PCDHGA9: variants seen among roughly 807,000 people sequenced by gnomAD.
PCDHGA9 encodes protocadherin gamma-A9.
A neutral mutation model predicts 62.5 loss-of-function variants in PCDHGA9; 37 were observed. That is an observed-to-expected ratio of 0.59 (90% confidence interval 0.46 to 0.78). The LOEUF (loss-of-function observed/expected upper bound fraction) is 0.78, where lower values mean the gene tolerates loss of function less well. PCDHGA9 is among the 30% of genes least tolerant of loss of function. PCDHGA9 has a pLI of 0.00. For missense variants in PCDHGA9, 1,138 were observed against 1,166.2 expected (o/e 0.98, Z 0.35); for synonymous variants, 459 against 484.6 (o/e 0.95, Z 0.69).
intron 1 of PCDHGA9, chr5:141,422,764 G>A: frequency 1.2e-6 from 2 of 1,613,582 alleles, no homozygotes; most frequent in Non-Finnish European, 8.5e-7. Flanking sequence ...CTCCAACACT[G>A]GTGTTCTCTA....
intron 1 of PCDHGA9, among the ~76,000 whole-genome samples, chr5:141,453,095 G>T (rs1254113352): frequency 6.6e-6 from 1 of 151,962 alleles, no homozygotes; most frequent in African/African-American, 2.4e-5. Flanking sequence ...TATATTTTCT[G>T]TTGCTTTTTT....
chr5:141,439,441 T>C (rs2098112892), intron 1 of PCDHGA9, among the ~76,000 whole-genome samples: 2 of 152,348 alleles, frequency 1.3e-5, no homozygotes, highest in South Asian at 4.1e-4. Context: ...GAATATTTTA[T>C]TGCGGGAGCA....
chr5:141,408,176 G>C, intron 1 of PCDHGA9: 1 of 1,533,992 alleles, frequency 6.5e-7, no homozygotes, highest in South Asian at 1.2e-5. Flanking sequence ...TGGAAAAGCG[G>C]GGACCCAGCG....
chr5:141,405,529 C>G, intron 1 of PCDHGA9, 153 bp downstream of exon 1: 1 of 654,350 alleles, frequency 1.5e-6, no homozygotes, highest in Middle Eastern at 4.2e-4. Flanking sequence ...AAGCGATTCT[C>G]CTGCCTCAGC....
In PCDHGA9 at chr5:141,431,777, G is replaced by T. The variant is rs151011884; in HGVS notation, c.2424+26401G>T. 5,401 of 1,614,186 alleles carry T rather than the reference G, an allele frequency of 3.3e-3. 6 individuals are homozygous for T. Among genetic ancestry groups the T allele is most frequent in the Non-Finnish European group, 4.2e-3 (4,899 of 1,180,002 alleles). On this transcript the variant is annotated intron_variant, in intron 1 of 3. Coordinates refer to ENST00000573521, the MANE Select transcript of PCDHGA9 (RefSeq NM_018921.3). The surrounding 1 kb of genome is among the most constrained non-coding windows in gnomAD (Gnocchi z 4.8). ...CAAAGTCCTGATCACTGTTCTGGAC[G>T]TGAACGACAATGCCCCAGAAGTGGT...
At position 141,477,855 on chromosome 5, in the gene PCDHGA9, T is replaced by C; in HGVS notation, c.2425-16952T>C. The C allele has an allele frequency of 1.2e-6, 2 of 1,613,698 alleles. No individual in the cohort carries two copies. The highest frequency in any genetic ancestry group is 1.7e-6 in the Non-Finnish European group (2 of 1,179,882). On this transcript the variant is annotated intron_variant, in intron 1 of 3. Coordinates refer to ENST00000573521, the MANE Select transcript of PCDHGA9 (RefSeq NM_018921.3). The surrounding 1 kb of genome is among the most constrained non-coding windows in gnomAD (Gnocchi z 4.9). ...CCAGGTGGGAGCTCGGTGGAGATGC[T>C]GCCTCGAGGTACCTCAGCTGGCCAC...
chr5:141,418,246 C>T lies in PCDHGA9; in HGVS notation c.2424+12870C>T, dbSNP rs200526306. 4.5e-5 allele frequency: 72 copies of T among 1,614,020 alleles called. No individual in the cohort carries two copies. The African/African-American group carries it at 8.9e-4, about 20-fold the overall frequency. On this transcript the variant is annotated intron_variant, in intron 1 of 3. Coordinates refer to ENST00000573521, the MANE Select transcript of PCDHGA9 (RefSeq NM_018921.3). The stretch of plus-strand genomic sequence containing the variant: ...TGGTGATTGAGGATGTTAATGACCA[C>T]GCCCCTCAATTCCGGAAAGATGAAA...
chr5:141,446,928 C>T (rs988582410), intron 1 of PCDHGA9, among the ~76,000 whole-genome samples: 14 of 152,132 alleles, frequency 9.2e-5, no homozygotes, highest in Non-Finnish European at 1.6e-4. Context: ...TTCCTGATCT[C>T]TTTTTCACTG....
chr5:141,499,689 CTTTTTTTTT>C (rs545067566), intron 2 of PCDHGA9, among the ~76,000 whole-genome samples: 2 of 119,856 alleles, frequency 1.7e-5, no homozygotes, highest in African/African-American at 6.2e-5. Flanking sequence ...TAACAGATGA[CTTTTTTTTT>C]TTTTTTTTTT....
chr5:141,506,760 G>A (rs1018086132), intron 3 of PCDHGA9, among the ~76,000 whole-genome samples: 1 of 152,128 alleles, frequency 6.6e-6, no homozygotes, highest in Non-Finnish European at 1.5e-5. Context: ...CTAGCTTCTG[G>A]AGCAGCAAAT....
chr5:141,419,447 C>T (rs754931078), intron 1 of PCDHGA9: 8 of 1,613,016 alleles, frequency 5.0e-6, no homozygotes, highest in Non-Finnish European at 4.2e-6. Flanking sequence ...CACCTTCGAG[C>T]TCACGCTGCA....
At chr5:141,405,505 C>T (rs573282216) in intron 1 of PCDHGA9, 129 bp downstream of exon 1, 22 of 751,126 alleles carry the variant, frequency 2.9e-5, no homozygotes, top group Admixed American at 1.7e-4. Flanking sequence ...TTGCAACCTC[C>T]GCCTCCCAAA....
intron 1 of PCDHGA9, chr5:141,415,272 A>G (rs771588742): frequency 1.3e-5 from 21 of 1,614,208 alleles, no homozygotes; most frequent in African/African-American, 9.3e-5. Context: ...ACCTGGTGGT[A>G]GCGGTGGCCG....
At chr5:141,457,469 AG>A (rs1170841505) in intron 1 of PCDHGA9, among the ~76,000 whole-genome samples, 1 of 152,226 alleles carries the variant, frequency 6.6e-6, no homozygotes, top group Non-Finnish European at 1.5e-5. Context: ...CACAGGAATA[AG>A]CAGGGCCAGG....
At chr5:141,428,286 A>G in intron 1 of PCDHGA9, 1 of 730,462 alleles carries the variant, frequency 1.4e-6, no homozygotes, top group Non-Finnish European at 2.4e-6. Flanking sequence ...ATTCCCAAGC[A>G]AAGCTGCAGA....
rs1291009856 is a variant in PCDHGA9, at chr5:141,403,193, A to G, written c.241A>G (p.Ser81Gly). The G allele has an allele frequency of 1.9e-6, 3 of 1,613,986 alleles. No homozygotes were observed. Among genetic ancestry groups the G allele is most frequent in the South Asian group, 2.2e-5 (2 of 91,090 alleles). The change falls in exon 1 of 4, where the codon AGC (serine) becomes GGC (glycine). Residue 81 changes from serine (S) to glycine (G), a missense_variant. Transcript: ENST00000573521. Reference sequence around the variant, plus strand: ...GCAGCTTTTCTCTCTGAACCCGCGCAGCGGCACCTTGGTCACCGCGGGTAG... The same window carrying G: ...GCAGCTTTTCTCTCTGAACCCGCGCGGCGGCACCTTGGTCACCGCGGGTAG... ...RTQLFSLNPR[S>G]GTLVTAGRID...
chr5:141,478,901 A>T (rs2099483520), intron 1 of PCDHGA9: 2 of 1,002,034 alleles, frequency 2.0e-6, no homozygotes, highest in African/African-American at 3.3e-5. Flanking sequence ...ATTAGGAATA[A>T]GCTGCTGGAT....
rs1262043820 is a variant in PCDHGA9, at chr5:141,415,755, T to TTG, written c.2424+10380_2424+10381insGT. Reference sequence around the variant, plus strand: ...GTTTATTAAGGTTTTTTTTTTTTTTTTTTTTTTTTTTTTTTTTACTTTCTG... The same window carrying TTG: ...GTTTATTAAGGTTTTTTTTTTTTTTTTGTTTTTTTTTTTTTTTTTACTTTCTG... On this transcript the variant is annotated intron_variant, in intron 1 of 3. Transcript: ENST00000573521. 56 of 1,387,630 alleles carry TTG rather than the reference T, an allele frequency of 4.0e-5. No individual in the cohort carries two copies. The African/African-American group carries it at 7.5e-4, about 19-fold the overall frequency. The allele number at this position is 1,387,630 out of a possible 1,614,324, so 86.0% of individuals were successfully genotyped here. A position where few individuals can be genotyped will look rare whatever the true frequency, so the allele number is the denominator to read the frequency against.
chr5:141,417,942 C>A (rs1324501154), intron 1 of PCDHGA9: 19 of 1,613,208 alleles, frequency 1.2e-5, no homozygotes, highest in Non-Finnish European at 1.5e-5. Flanking sequence ...TTCTACCCCA[C>A]GCTGTGTGAG....
Sources: allele counts gnomAD v4.1 joint callset (sites outside exome capture counted in the v4.1 genomes callset), GRCh38; gene constraint gnomAD v4.1.1; non-coding constraint Gnocchi (gnomAD v3.1); transcripts MANE v1.5; gene names NCBI Gene and HGNC (gene_info 2026-07-23, HGNC 2026-07-21).